The following USP54 variants were observed in gnomAD, a reference collection of about 807,000 sequenced individuals.
USP54 encodes the protein ubiquitin carboxyl-terminal hydrolase 54.
A neutral mutation model predicts 170.5 loss-of-function variants in USP54; 87 were observed. That is an observed-to-expected ratio of 0.51 (90% CI 0.43 to 0.61). The LOEUF is 0.61. Among genes scored for constraint, USP54 ranks in the 20% least tolerant of loss-of-function variants. The probability of loss-of-function intolerance (pLI) is 0.00; values close to 1 mark genes in which losing one functional copy is unlikely to be tolerated. For missense variants in USP54, 1,786 were observed against 2,047.8 expected (o/e 0.87, Z 2.47); for synonymous variants, 655 against 742.8 (o/e 0.88, Z 1.92).
intron 1 of USP54, 58 bp downstream of exon 1, chr10:73,591,216 AAACT>A (rs751392412): frequency 2.6e-5 from 4 of 152,158 alleles, no homozygotes; most frequent in Non-Finnish European, 4.4e-5. Context: ...AACTTCACAA[AAACT>A]AACCGGTTCC....
chr10:73,516,623 C>T lies in USP54; in HGVS notation c.3803G>A (p.Arg1268Lys), dbSNP rs2061131245. The change falls in exon 20 of 24, where the codon AGG (arginine) becomes AAG (lysine). Residue 1268 changes from arginine to lysine, a missense_variant. Arg to Lys is a conservative substitution (Grantham distance 26). Around this residue, in one of 3 missense-constraint regions of USP54, gnomAD observed 1,418 missense variants for 1,569.0 expected, o/e 0.90. Transcript: ENST00000687698. ...ATGCTTAAGCTGAGAATCACAGAAC[C>T]TTGTGATATTCACCCAGGAATCCAA... ...LPLDSWVNIT[R>K]FCDSQLKHGA... The T allele has an allele frequency of 6.2e-7, 1 of 1,614,076 alleles. No homozygotes were observed. The highest frequency in any genetic ancestry group is 1.3e-5 in the African/African-American group (1 of 74,918).
intron 18 of USP54, 59 bp downstream of exon 18, chr10:73,520,849 T>A (rs1564674479): frequency 2.5e-6 from 4 of 1,611,006 alleles, no homozygotes; most frequent in Non-Finnish European, 3.4e-6. Flanking sequence ...ACAACACTAA[T>A]AATACCTATT....
At chr10:73,514,660 T>C (rs1274686576) in intron 20 of USP54, among the ~76,000 whole-genome samples, 15 of 152,124 alleles carry the variant, frequency 9.9e-5, no homozygotes, top group Non-Finnish European at 2.2e-4. Context: ...ATTCTTCCCA[T>C]ATCAACCAGT....
At position 73,523,737 on chromosome 10, in the gene USP54, A is replaced by G; in HGVS notation, c.2208T>C (p.Ser736=). ...GCAATTCATCCAGTTCACTTTTAGA[A>G]GATATCTCCTCACCTGTAATATAAG... ...KSQPFSGEEI[S]SKSELDELQE... The change falls in exon 17 of 24, where the codon TCT becomes TCC. Residue 736 remains serine, a synonymous_variant. Coordinates refer to ENST00000687698, the MANE Select transcript of USP54 (RefSeq NM_001391956.1). 1 of 1,613,604 alleles carries G rather than the reference A, an allele frequency of 6.2e-7. No homozygotes were observed.
intron 4 of USP54, among the ~76,000 whole-genome samples, chr10:73,569,399 T>C (rs1180494577): frequency 6.6e-6 from 1 of 152,210 alleles, no homozygotes; most frequent in Admixed American, 6.5e-5. Flanking sequence ...AAATGTTATA[T>C]TCAACTTGTA....
intron 10 of USP54, among the ~76,000 whole-genome samples, chr10:73,537,311 T>C (rs1407929285): frequency 1.3e-5 from 2 of 152,154 alleles, no homozygotes; most frequent in Admixed American, 6.5e-5. Flanking sequence ...TGCCCCAAAT[T>C]ACAACAACGC....
At chr10:73,509,607 T>C (rs1452925890) in intron 20 of USP54, among the ~76,000 whole-genome samples, 4 of 150,058 alleles carry the variant, frequency 2.7e-5, no homozygotes, top group Admixed American at 6.6e-5. Flanking sequence ...AGAGCGAGAC[T>C]CCGTCTCATT....
At chr10:73,534,885 G>A (rs555263897) in intron 11 of USP54, 115 bp from the exon 12 acceptor site, 238 of 926,078 alleles carry the variant, frequency 2.6e-4, no homozygotes, top group Non-Finnish European at 3.6e-4. Context: ...CTAGACACAA[G>A]TGTGAGAAGG....
In USP54 at chr10:73,534,600, C is replaced by T. The variant is rs377527397; in HGVS notation, c.1315G>A (p.Gly439Arg). 1.2e-6 allele frequency: 2 copies of T among 1,613,654 alleles called. No homozygotes were observed. Among genetic ancestry groups the T allele is most frequent in the Non-Finnish European group, 1.7e-6 (2 of 1,179,742 alleles). Residue 439 changes from glycine to arginine, a missense_variant and splice_region_variant, in exon 12 of 24, where the codon GGA becomes AGA. This residue lies in a region of USP54 where 1,418 missense variants were observed against 1,569.0 expected (regional missense o/e 0.90). Coordinates refer to ENST00000687698, the MANE Select transcript of USP54 (RefSeq NM_001391956.1). ...DSMSQSSRDT[G>R]HLTDSECNQK... ...CAGGACCCTCTGTATAAGTCCCTACCTGTGTCCCGACTGCTCTGAGACATG... is the reference window on the plus strand; with the variant it reads ...CAGGACCCTCTGTATAAGTCCCTACTTGTGTCCCGACTGCTCTGAGACATG...
intron 5 of USP54, 144 bp downstream of exon 5, chr10:73,545,394 A>T: frequency 9.0e-7 from 1 of 1,106,320 alleles, no homozygotes; most frequent in Non-Finnish European, 1.3e-6. Context: ...GAGACATTTT[A>T]GATCCCTGAA....
intron 4 of USP54, among the ~76,000 whole-genome samples, chr10:73,568,976 GA>G (rs949162597): frequency 6.6e-6 from 1 of 152,092 alleles, no homozygotes; most frequent in Non-Finnish European, 1.5e-5. Flanking sequence ...AATATAACAA[GA>G]ATGTGGCAGC....
intron 4 of USP54, among the ~76,000 whole-genome samples, chr10:73,547,421 C>A (rs2068097296): frequency 6.6e-6 from 1 of 152,146 alleles, no homozygotes; most frequent in African/African-American, 2.4e-5. Flanking sequence ...GCCTGCATTG[C>A]CAAGACAATC....
intron 1 of USP54, among the ~76,000 whole-genome samples, chr10:73,614,341 C>T (rs781529791): frequency 2.7e-5 from 4 of 150,204 alleles, no homozygotes; most frequent in Non-Finnish European, 5.9e-5. Context: ...GGATGGATCA[C>T]TTGAGGTCAG....
At chr10:73,509,609 C>T (rs1314100401) in intron 20 of USP54, among the ~76,000 whole-genome samples, 4 of 149,520 alleles carry the variant, frequency 2.7e-5, no homozygotes, top group South Asian at 2.1e-4. Flanking sequence ...AGCGAGACTC[C>T]GTCTCATTAA....
At chr10:73,622,614 G>A (rs1013006289) in intron 1 of USP54, among the ~76,000 whole-genome samples, 4 of 151,960 alleles carry the variant, frequency 2.6e-5, no homozygotes, top group Admixed American at 2.0e-4. Context: ...CTGAGCTACC[G>A]TGCCTGGTCC....
chr10:73,545,741 G>A (rs997947985), intron 4 of USP54, 69 bp from the exon 5 acceptor site: 53 of 1,552,952 alleles, frequency 3.4e-5, no homozygotes, highest in Admixed American at 9.0e-5. Context: ...ATCCTAGTCT[G>A]TCATGCTAGC....
chr10:73,516,451 G>A lies in USP54; in HGVS notation c.3975C>T (p.Ala1325=). 6.2e-7 allele frequency: 1 copy of A among 1,614,040 alleles called. No individual in the cohort carries two copies. Among genetic ancestry groups the A allele is most frequent in the Non-Finnish European group, 8.5e-7 (1 of 1,180,020 alleles). The part of the protein sequence containing the change: ...ETSELESLYQ[A]SLQASQAGCS... ...AGCCAGCTTGAGAAGCCTGAAGACT[G>A]GCCTGATACAGAGACTCCAATTCTG... The change falls in exon 20 of 24, where the codon GCC becomes GCT. Residue 1325 remains alanine, a synonymous_variant. Coordinates refer to ENST00000687698, the MANE Select transcript of USP54 (RefSeq NM_001391956.1).
chr10:73,564,671 AT>A (rs1361482124), intron 4 of USP54, among the ~76,000 whole-genome samples: 3 of 152,176 alleles, frequency 2.0e-5, no homozygotes, highest in African/African-American at 7.2e-5. Context: ...GACAAGATTA[AT>A]TCTGTTTCAA....
intron 1 of USP54, among the ~76,000 whole-genome samples, chr10:73,603,539 AC>A (rs2079367625): frequency 6.6e-6 from 1 of 152,076 alleles, no homozygotes; most frequent in Non-Finnish European, 1.5e-5. Context: ...ACATGGCGAA[AC>A]CCCATCTCTA....
Sources: gnomAD v4.1 joint callset for allele counts (sites outside exome capture counted in the v4.1 genomes callset) on GRCh38, gnomAD v4.1.1 for gene constraint, gnomAD v4.1.1 regional missense constraint, MANE v1.5 for transcripts, NCBI Gene and HGNC (gene_info 2026-07-23, HGNC 2026-07-21) for gene names.